Variants in ERICH1 observed in about 807,000 individuals in gnomAD.
ERICH1 encodes glutamate-rich protein 1.
A neutral mutation model predicts 39.6 loss-of-function variants in ERICH1; 56 were observed. That is an observed-to-expected ratio of 1.41 (90% confidence interval 1.14 to 1.77). ERICH1 has a LOEUF of 1.77. Ranked by LOEUF, ERICH1 falls within the 40% of genes most tolerant of loss-of-function variation. The pLI is 0.00. For synonymous variants in ERICH1, 313 were observed against 223.6 expected, an observed-to-expected ratio of 1.40 and a Z score of -3.57; for missense variants, 826 against 575.4, an observed-to-expected ratio of 1.44 and a Z score of -4.45.
intron 4 of ERICH1, 171 bp from the exon 5 acceptor site, chr8:668,963 A>C: frequency 1.6e-6 from 1 of 641,846 alleles, no homozygotes; most frequent in East Asian, 2.8e-5. Flanking sequence ...CTCAGCACAA[A>C]ATACCACTGC....
chr8:650,076 T>C (rs1799753373), intron 3 of ERICH1, among the ~76,000 whole-genome samples: 1 of 152,178 alleles, frequency 6.6e-6, no homozygotes, highest in South Asian at 2.1e-4. Flanking sequence ...TTCGTGCCGG[T>C]TCAGAAGAAC....
At chr8:694,973 C>G (rs961319036) in intron 2 of ERICH1, among the ~76,000 whole-genome samples, 1 of 152,132 alleles carries the variant, frequency 6.6e-6, no homozygotes, top group Admixed American at 6.5e-5. Context: ...AGAAACCCAC[C>G]TCCCTGCTGG....
At chr8:721,319 T>C (rs927155963) in intron 1 of ERICH1, among the ~76,000 whole-genome samples, 6 of 152,200 alleles carry the variant, frequency 3.9e-5, no homozygotes, top group African/African-American at 1.2e-4. Context: ...AAATGCAAAA[T>C]TGAATATTAA....
At chr8:643,813 G>A (rs2117254727) in intron 3 of ERICH1, among the ~76,000 whole-genome samples, 1 of 152,326 alleles carries the variant, frequency 6.6e-6, no homozygotes, top group Non-Finnish European at 1.5e-5. Flanking sequence ...TTGTAGTGAG[G>A]AAGCAGGATT....
At chr8:618,492 C>A (rs11782042) in intron 3 of ERICH1, among the ~76,000 whole-genome samples, 218 of 152,224 alleles carry the variant, frequency 1.4e-3, no homozygotes, top group African/African-American at 2.8e-3. Context: ...TCCTCACTGC[C>A]CGGAGCAGTG....
At chr8:643,441 A>C (rs1475860640) in intron 3 of ERICH1, among the ~76,000 whole-genome samples, 1 of 152,042 alleles carries the variant, frequency 6.6e-6, no homozygotes, top group Non-Finnish European at 1.5e-5. Context: ...TGCTCCATCC[A>C]GGGGGCATTT....
intron 2 of ERICH1, among the ~76,000 whole-genome samples, chr8:701,283 C>T (rs1411025172): frequency 6.6e-6 from 1 of 151,922 alleles, no homozygotes; most frequent in African/African-American, 2.4e-5. Context: ...CACGGGTCTG[C>T]CCCGCCGGAC....
Position 624,233 on chromosome 8 carries a change from T to C in ERICH1, c.977-8949A>G, listed in dbSNP as rs138038353. Among the ~76,000 whole-genome samples the C allele has an allele frequency of 1.3e-4, 20 of 151,792 alleles. No individual in the cohort carries two copies. The East Asian group carries it at 1.4e-3, about 10-fold the overall frequency. On this transcript the variant is annotated intron_variant, in intron 3 of 3. Coordinates refer to the ERICH1 transcript ENST00000522706. ...TGTGAGGATGGCTAGATGAGAAAGA[T>C]AGATGATGTAAAGATTGGAGAGGAT...
chr8:664,505 T>A lies in ERICH1; in HGVS notation c.*98A>T. On this transcript the variant is annotated 3_prime_UTR_variant, in exon 6 of 6. Coordinates refer to ENST00000262109, the MANE Select transcript of ERICH1 (RefSeq NM_207332.3). ...GTGAATAAATAATATGGCATAAATGTCTTTCAAGTTCCCAGAGAACTAACT... is the reference window on the plus strand; with the variant it reads ...GTGAATAAATAATATGGCATAAATGACTTTCAAGTTCCCAGAGAACTAACT... 7.0e-7 allele frequency: 1 copy of A among 1,418,514 alleles called. No homozygotes were observed. Among genetic ancestry groups the A allele is most frequent in the Non-Finnish European group, 9.2e-7 (1 of 1,081,372 alleles). The allele number at this position is 1,418,514 out of a possible 1,614,324, so 87.9% of individuals were successfully genotyped here. A position where few individuals can be genotyped will look rare whatever the true frequency, so the allele number is the denominator to read the frequency against.
At chr8:650,338 G>A (rs1476320635) in intron 3 of ERICH1, among the ~76,000 whole-genome samples, 2 of 152,270 alleles carry the variant, frequency 1.3e-5, no homozygotes, top group African/African-American at 4.8e-5. Flanking sequence ...GGTCTCAGGA[G>A]AGGATGCAGG....
At chr8:670,371 G>A (rs547831841) in intron 4 of ERICH1, among the ~76,000 whole-genome samples, 4 of 152,000 alleles carry the variant, frequency 2.6e-5, no homozygotes, top group South Asian at 2.1e-4. Flanking sequence ...GTCCTGTCTC[G>A]TGGCATGCCC....
rs190038664 is a variant in ERICH1, at chr8:620,038, G to C, written c.977-4754C>G. 3.8e-3 allele frequency among the ~76,000 whole-genome samples: 581 copies of C among 152,312 alleles called. 7 individuals are homozygous for C. Among genetic ancestry groups the C allele is most frequent in the Middle Eastern group, 0.014 (4 of 294 alleles). ...ATATACAAAACAAAAAGTGGGCCAGGCGTGGTGGCTCACACCTGTAATCCC... is the reference window on the plus strand; with the variant it reads ...ATATACAAAACAAAAAGTGGGCCAGCCGTGGTGGCTCACACCTGTAATCCC... On this transcript the variant is annotated intron_variant, in intron 3 of 3. Coordinates refer to the ERICH1 transcript ENST00000522706.
At chr8:627,083 G>A (rs1177219115) in intron 3 of ERICH1, 3 of 455,120 alleles carry the variant, frequency 6.6e-6, no homozygotes, top group South Asian at 1.5e-5. Flanking sequence ...CCAGCAGGAC[G>A]GGGATGGACG....
At chr8:620,129 T>A (rs922744696) in intron 3 of ERICH1, among the ~76,000 whole-genome samples, 1 of 151,384 alleles carries the variant, frequency 6.6e-6, no homozygotes, top group Non-Finnish European at 1.5e-5. Flanking sequence ...CTGATCAACA[T>A]GGTGAAACCT....
chr8:690,653 C>T (rs1047351011), intron 3 of ERICH1, among the ~76,000 whole-genome samples: 11 of 152,254 alleles, frequency 7.2e-5, no homozygotes, highest in Admixed American at 1.3e-4. Flanking sequence ...CCTGGGCGGC[C>T]GATCCAAGTT....
chr8:697,119 G>A (rs891529918), intron 2 of ERICH1, among the ~76,000 whole-genome samples: 9 of 152,220 alleles, frequency 5.9e-5, no homozygotes, highest in Non-Finnish European at 1.3e-4. Context: ...TATATACACA[G>A]ATGGACACAT....
At chr8:684,283 A>G (rs1197919561) in intron 3 of ERICH1, among the ~76,000 whole-genome samples, 2 of 152,234 alleles carry the variant, frequency 1.3e-5, no homozygotes, top group Non-Finnish European at 2.9e-5. Context: ...AATTTAAAGA[A>G]TAGGAAAGTT....
At chr8:616,335 G>A (rs1387051629) in intron 3 of ERICH1, 2 of 340,306 alleles carry the variant, frequency 5.9e-6, no homozygotes, top group South Asian at 4.4e-5. Flanking sequence ...TTAACTGAAA[G>A]TTGCTGAAGA....
At chr8:730,724 G>C (rs747790147) in intron 1 of ERICH1, among the ~76,000 whole-genome samples, 3 of 152,350 alleles carry the variant, frequency 2.0e-5, no homozygotes, top group Non-Finnish European at 4.4e-5. Flanking sequence ...GGCTCTGGGA[G>C]GTTCTGCTGT....
Sources: allele counts gnomAD v4.1 joint callset (sites outside exome capture counted in the v4.1 genomes callset), GRCh38; gene constraint gnomAD v4.1.1; transcripts MANE v1.5; gene names NCBI Gene and HGNC (gene_info 2026-07-23, HGNC 2026-07-21).